SESN1: variants seen among roughly 807,000 people sequenced by gnomAD.
SESN1 encodes the protein sestrin 1, also known as sestrin-1.
SESN1 carries 30 observed loss-of-function variants against 59.3 expected under a neutral mutation model. The observed-to-expected ratio is 0.51, with a 90% CI of 0.38 to 0.69. The LOEUF is 0.69. Among genes scored for constraint, SESN1 ranks in the 30% least tolerant of loss-of-function variants. The pLI is 0.00. For missense variants in SESN1, 566 were observed against 673.0 expected (o/e 0.84, Z 1.76); for synonymous variants, 197 against 219.9 (o/e 0.90, Z 0.92).
At chr6:109,050,375 T>C (rs1282320004) in intron 1 of SESN1, among the ~76,000 whole-genome samples, 1 of 147,152 alleles carries the variant, frequency 6.8e-6, no homozygotes, top group Non-Finnish European at 1.5e-5. Context: ...CAGAATGCTA[T>C]TGTTTAAATT....
chr6:108,987,708 C>T lies in SESN1; in HGVS notation c.1570-78G>A, dbSNP rs925083117. 95 of 756,432 alleles carry T rather than the reference C, an allele frequency of 1.3e-4. 5 individuals carry two copies. In the South Asian group the frequency reaches 1.4e-3, roughly 11 times the overall value. 46.9% of individuals were successfully genotyped at this position (756,432 alleles called of 1,614,324 possible). ...AGTTTTTCAGTGAATCTAATGAACA[C>T]ATAAAATAAGTACACTTCCTACACT... On this transcript the variant is annotated intron_variant, in intron 9 of 9. Transcript: ENST00000436639.
intron 1 of SESN1, among the ~76,000 whole-genome samples, chr6:109,043,618 AAAAG>A (rs1780376344): frequency 1.3e-5 from 2 of 152,192 alleles, no homozygotes; most frequent in Non-Finnish European, 1.5e-5. Flanking sequence ...ATTACAATAA[AAAAG>A]AAAATAGGCA....
intron 1 of SESN1, among the ~76,000 whole-genome samples, chr6:109,073,370 G>GTT: frequency 6.6e-6 from 1 of 152,216 alleles, no homozygotes; most frequent in East Asian, 1.9e-4. Flanking sequence ...GTTATTATAT[G>GTT]GTTATTTTCT....
chr6:109,007,026 G>A (rs1202938803), intron 1 of SESN1, among the ~76,000 whole-genome samples: 1 of 152,128 alleles, frequency 6.6e-6, no homozygotes, highest in Non-Finnish European at 1.5e-5. Context: ...AACCTCACAG[G>A]CTCTCTGTGA....
chr6:109,008,720 A>G (rs1779788145), intron 1 of SESN1: 1 of 963,542 alleles, frequency 1.0e-6, no homozygotes, highest in African/African-American at 1.8e-5. Flanking sequence ...AACCACTTAG[A>G]AAAAAACACA....
chr6:109,026,729 T>C (rs1780099761), intron 1 of SESN1, among the ~76,000 whole-genome samples: 2 of 152,076 alleles, frequency 1.3e-5, no homozygotes, highest in Admixed American at 1.3e-4. Context: ...GGTCTCGATC[T>C]CTTGACCTCA....
intron 1 of SESN1, among the ~76,000 whole-genome samples, chr6:109,026,528 C>T (rs113393759): frequency 0.1 from 15,205 of 151,890 alleles, 925 homozygotes; most frequent in Middle Eastern, 0.19. Context: ...GATGGAGTCT[C>T]GCTCTGTCGC....
At chr6:109,066,365 G>T (rs1297548952) in intron 1 of SESN1, among the ~76,000 whole-genome samples, 1 of 151,076 alleles carries the variant, frequency 6.6e-6, no homozygotes, top group Admixed American at 6.6e-5. Context: ...TACTGGAGCA[G>T]TAGGGGAAGA....
At chr6:109,063,537 T>C (rs946006046) in intron 1 of SESN1, among the ~76,000 whole-genome samples, 13 of 152,320 alleles carry the variant, frequency 8.5e-5, no homozygotes, top group Middle Eastern at 3.4e-3. Context: ...TCATCCCAAC[T>C]GAGAACTCAC....
intron 1 of SESN1, among the ~76,000 whole-genome samples, chr6:109,035,859 C>T (rs1283345008): frequency 1.3e-5 from 2 of 152,192 alleles, no homozygotes; most frequent in African/African-American, 2.4e-5. Context: ...CCTCCTGCCT[C>T]AGCCTCCTGA....
chr6:109,086,020 T>C (rs902540810), intron 1 of SESN1, among the ~76,000 whole-genome samples: 13 of 152,206 alleles, frequency 8.5e-5, no homozygotes, highest in Admixed American at 5.9e-4. Context: ...GATTAATACA[T>C]AACCCAAAGT....
intron 1 of SESN1, among the ~76,000 whole-genome samples, chr6:109,032,316 C>A (rs12206606): frequency 0.11 from 16,617 of 151,564 alleles, 983 homozygotes; most frequent in Middle Eastern, 0.2. Flanking sequence ...AGGCGTGCTC[C>A]CCCTGTACAT....
chr6:109,085,756 G>A (rs1322057504), intron 1 of SESN1, among the ~76,000 whole-genome samples: 1 of 152,154 alleles, frequency 6.6e-6, no homozygotes, highest in Non-Finnish European at 1.5e-5. Flanking sequence ...ACCATCGTGT[G>A]AAAAAATAAA....
intron 1 of SESN1, among the ~76,000 whole-genome samples, chr6:109,013,097 AG>A (rs72131680): frequency 0.098 from 14,859 of 151,468 alleles, 862 homozygotes; most frequent in Middle Eastern, 0.19. Flanking sequence ...GCCTGGCAAC[AG>A]GGAAAAAAAA....
At chr6:109,011,892 G>C (rs144299290) in intron 1 of SESN1, among the ~76,000 whole-genome samples, 71 of 152,212 alleles carry the variant, frequency 4.7e-4, no homozygotes, top group Non-Finnish European at 8.8e-4. Context: ...GCCTCCCAAA[G>C]TGCTGGGATT....
In SESN1 at chr6:108,985,854, A is replaced by ATAAG. The variant is rs144105638; in HGVS notation, c.*1686_*1689dup. Among the ~76,000 whole-genome samples the ATAAG allele has an allele frequency of 1.3e-3, 205 of 152,360 alleles. 2 individuals are homozygous for ATAAG. The highest frequency in any genetic ancestry group is 4.7e-3 in the African/African-American group (196 of 41,594). Reference sequence around the variant, plus strand: ...TGCATATTCAATGAGTAATGCACTTATAAGTAAGTTTCTTTAAATATAAAA... The same window carrying ATAAG: ...TGCATATTCAATGAGTAATGCACTTATAAGTAAGTAAGTTTCTTTAAATATAAAA... On this transcript the variant is annotated 3_prime_UTR_variant, in exon 10 of 10. Transcript: ENST00000436639.
intron 1 of SESN1, among the ~76,000 whole-genome samples, chr6:109,028,572 C>G (rs1780132085): frequency 1.3e-5 from 2 of 152,094 alleles, no homozygotes; most frequent in African/African-American, 4.8e-5. Context: ...TGCCTTTCTT[C>G]CGGGCAATAC....
chr6:109,041,660 C>A (rs1333702643), intron 1 of SESN1, among the ~76,000 whole-genome samples: 1 of 150,884 alleles, frequency 6.6e-6, no homozygotes, highest in African/African-American at 2.4e-5. Flanking sequence ...ATAGCAATAC[C>A]CAAATGTACA....
intron 1 of SESN1, among the ~76,000 whole-genome samples, chr6:109,067,323 G>C (rs1780846211): frequency 6.6e-6 from 1 of 152,078 alleles, no homozygotes; most frequent in Admixed American, 6.6e-5. Context: ...CTCCTGCACA[G>C]TGCCCACCCT....
Sources: gnomAD v4.1 joint callset for allele counts (sites outside exome capture counted in the v4.1 genomes callset) on GRCh38, gnomAD v4.1.1 for gene constraint, MANE v1.5 for transcripts, NCBI Gene and HGNC (gene_info 2026-07-23, HGNC 2026-07-21) for gene names.